UXS1: variants seen among roughly 807,000 people sequenced by gnomAD.
UXS1 encodes UDP-glucuronic acid decarboxylase 1.
UXS1 carries 33 observed loss-of-function variants against 62.6 expected under a neutral mutation model. The observed-to-expected ratio is 0.53, with a 90% confidence interval of 0.40 to 0.70. The LOEUF (loss-of-function observed/expected upper bound fraction) is 0.70. Among genes scored for constraint, UXS1 ranks in the 30% least tolerant of loss-of-function variants. The pLI is 0.00. For missense variants in UXS1, 434 were observed against 556.3 expected (o/e 0.78, Z 2.21); for synonymous variants, 213 against 206.8 (o/e 1.03, Z -0.26).
chr2:106,167,833 A>G (rs574523120), intron 1 of UXS1, among the ~76,000 whole-genome samples: 18 of 152,316 alleles, frequency 1.2e-4, no homozygotes, highest in African/African-American at 4.1e-4. Context: ...TTAAGGCATT[A>G]TAAGTCACAG....
intron 9 of UXS1, among the ~76,000 whole-genome samples, chr2:106,113,969 C>T (rs1039704461): frequency 2.0e-5 from 3 of 152,220 alleles, no homozygotes; most frequent in Non-Finnish European, 4.4e-5. Context: ...TCGGCCAACA[C>T]CTTAGGCTGG....
chr2:106,118,930 A>C (rs1220683659), intron 9 of UXS1, among the ~76,000 whole-genome samples: 3 of 152,258 alleles, frequency 2.0e-5, no homozygotes, highest in Non-Finnish European at 2.9e-5. Flanking sequence ...TAAGGAATTA[A>C]TTAAAGTTGT....
intron 7 of UXS1, among the ~76,000 whole-genome samples, chr2:106,128,835 G>A (rs904846054): frequency 1.3e-5 from 2 of 152,016 alleles, no homozygotes; most frequent in Admixed American, 6.6e-5. Context: ...TTTCATTCTC[G>A]ACTCCACGCT....
chr2:106,169,866 G>A (rs1406210264), intron 1 of UXS1, among the ~76,000 whole-genome samples: 2 of 151,996 alleles, frequency 1.3e-5, no homozygotes, highest in Non-Finnish European at 2.9e-5. Flanking sequence ...TGGGGAAGCA[G>A]GTGACGCCCA....
At chr2:106,141,413 G>A (rs1681084280) in intron 6 of UXS1, among the ~76,000 whole-genome samples, 1 of 152,196 alleles carries the variant, frequency 6.6e-6, no homozygotes, top group Non-Finnish European at 1.5e-5. Flanking sequence ...GCTGAGAACT[G>A]GCAAGAGGAA....
intron 1 of UXS1, 120 bp downstream of exon 1, chr2:106,194,028 G>T: frequency 1.7e-6 from 1 of 598,564 alleles, no homozygotes; most frequent in Non-Finnish European, 2.4e-6. Context: ...GGCCCCGCCC[G>T]GGGCGGGGAG....
chr2:106,192,070 TA>T (rs955246424), intron 1 of UXS1, among the ~76,000 whole-genome samples: 7 of 152,080 alleles, frequency 4.6e-5, no homozygotes, highest in African/African-American at 1.4e-4. Flanking sequence ...CTGTGTTTTT[TA>T]AAAAAAACCC....
At chr2:106,140,676 C>T (rs150590071) in intron 6 of UXS1, among the ~76,000 whole-genome samples, 1,610 of 151,758 alleles carry the variant, frequency 0.011, 17 homozygotes, top group Non-Finnish European at 0.018. Flanking sequence ...AAATAGCTGC[C>T]TACTTCGCAC....
intron 5 of UXS1, among the ~76,000 whole-genome samples, chr2:106,156,141 A>C (rs1349563751): frequency 6.6e-6 from 1 of 152,184 alleles, no homozygotes; most frequent in Non-Finnish European, 1.5e-5. Flanking sequence ...CAAATAATAT[A>C]CCTGATAAGA....
chr2:106,174,788 C>T (rs993775111), intron 1 of UXS1, among the ~76,000 whole-genome samples: 6 of 151,418 alleles, frequency 4.0e-5, no homozygotes, highest in African/African-American at 1.5e-4. Flanking sequence ...GGTATCACCA[C>T]CATCCCACAG....
chr2:106,143,919 T>C (rs1179796732), intron 6 of UXS1, among the ~76,000 whole-genome samples: 7 of 152,338 alleles, frequency 4.6e-5, no homozygotes, highest in Non-Finnish European at 8.8e-5. Flanking sequence ...CCATTCTCTG[T>C]TGCTGCCTTT....
chr2:106,106,364 CAA>C (rs34097863), intron 10 of UXS1, among the ~76,000 whole-genome samples: 28 of 127,654 alleles, frequency 2.2e-4, no homozygotes, highest in Admixed American at 4.0e-4. Context: ...AACTCCGTCT[CAA>C]AAAAAAAAAA....
chr2:106,173,074 T>C (rs567715144), intron 1 of UXS1, among the ~76,000 whole-genome samples: 5 of 152,356 alleles, frequency 3.3e-5, no homozygotes, highest in South Asian at 2.1e-4. Flanking sequence ...TATACCTATT[T>C]ATATCTGTTT....
chr2:106,103,474 C>A (rs1025688422), intron 11 of UXS1, among the ~76,000 whole-genome samples: 1 of 152,172 alleles, frequency 6.6e-6, no homozygotes, highest in African/African-American at 2.4e-5. Context: ...GAACGCGTCA[C>A]TATGGAAAGA....
Position 106,112,693 on chromosome 2 carries a change from C to T in UXS1, c.832G>A (p.Val278Ile). The change falls in exon 10 of 15, where the codon GTA becomes ATA. Residue 278 changes from valine to isoleucine, a missense_variant. Coordinates refer to ENST00000283148, the MANE Select transcript of UXS1 (RefSeq NM_001253875.2). ...GCCTGCAGGATGAAGTTGCTGACTACTCGCCCATCGTTCATGTGCATGCGT... is the reference window on the plus strand; with the variant it reads ...GCCTGCAGGATGAAGTTGCTGACTATTCGCCCATCGTTCATGTGCATGCGT... ...GPRMHMNDGR[V>I]VSNFILQALQ... The T allele has an allele frequency of 1.9e-6, 3 of 1,614,020 alleles. No homozygotes were observed. The highest frequency in any genetic ancestry group is 2.5e-6 in the Non-Finnish European group (3 of 1,179,902).
intron 1 of UXS1, among the ~76,000 whole-genome samples, chr2:106,189,279 A>C (rs1684771420): frequency 1.3e-5 from 2 of 152,210 alleles, no homozygotes; most frequent in Admixed American, 1.3e-4. Flanking sequence ...TTGGAACACC[A>C]CGGATGTATC....
At chr2:106,097,909 C>T (rs999323009) in intron 13 of UXS1, among the ~76,000 whole-genome samples, 4 of 152,224 alleles carry the variant, frequency 2.6e-5, no homozygotes, top group East Asian at 1.9e-4. Context: ...TCTACTGCCA[C>T]GAGCAACGGG....
chr2:106,152,232 G>A (rs1682076717), intron 5 of UXS1, among the ~76,000 whole-genome samples: 2 of 152,086 alleles, frequency 1.3e-5, no homozygotes, highest in Non-Finnish European at 2.9e-5. Flanking sequence ...TGGACAGATA[G>A]CCTGAGGTCA....
intron 1 of UXS1, among the ~76,000 whole-genome samples, chr2:106,177,942 C>T (rs1683994763): frequency 6.6e-6 from 1 of 152,210 alleles, no homozygotes; most frequent in Non-Finnish European, 1.5e-5. Flanking sequence ...TCTGGGCACC[C>T]ACCTGTGTTC....
Sources: allele counts gnomAD v4.1 joint callset (sites outside exome capture counted in the v4.1 genomes callset), GRCh38; gene constraint gnomAD v4.1.1; transcripts MANE v1.5; gene names NCBI Gene and HGNC (gene_info 2026-07-23, HGNC 2026-07-21).